CAST: variants seen among roughly 807,000 people sequenced by gnomAD.
CAST encodes calpastatin.
A neutral mutation model predicts 119.6 loss-of-function variants in CAST; 76 were observed. The ratio of observed to expected loss-of-function variants is 0.64; its 90% CI spans 0.53 to 0.77. The LOEUF is 0.77. CAST is among the 30% of genes least tolerant of loss of function. CAST has a pLI of 0.00. For missense variants in CAST, 953 were observed against 946.5 expected (o/e 1.01, Z -0.09); for synonymous variants, 319 against 331.6 (o/e 0.96, Z 0.41).
the CAST span, among the ~76,000 whole-genome samples, chr5:96,074,491 A>G: frequency 6.6e-6 from 1 of 152,212 alleles, no homozygotes; most frequent in East Asian, 1.9e-4. Context: ...GAGAGCCCTC[A>G]CCAGAAACCA....
At chr5:96,050,938 A>C in the CAST span, among the ~76,000 whole-genome samples, 3 of 152,328 alleles carry the variant, frequency 2.0e-5, no homozygotes, top group Admixed American at 2.0e-4. Context: ...TGATTTATAT[A>C]ATTTGAGGTC....
the CAST span, among the ~76,000 whole-genome samples, chr5:96,487,711 T>C: frequency 6.6e-6 from 1 of 152,250 alleles, no homozygotes; most frequent in Non-Finnish European, 1.5e-5. Flanking sequence ...TAAGCCATAA[T>C]TTAAATATTC....
chr5:96,299,553 CT>C, the CAST span, among the ~76,000 whole-genome samples: 1 of 152,146 alleles, frequency 6.6e-6, no homozygotes, highest in Non-Finnish European at 1.5e-5. Context: ...GTGCAATCCT[CT>C]TTCCTCCTCC....
the CAST span, chr5:95,986,461 C>A: frequency 6.6e-6 from 1 of 152,136 alleles, no homozygotes; most frequent in Admixed American, 6.5e-5. Flanking sequence ...ATTTTTGTGG[C>A]AGTTTCTTTC....
intron 1 of CAST, among the ~76,000 whole-genome samples, chr5:96,539,838 A>T (rs191700617): frequency 2.3e-3 from 344 of 152,272 alleles, no homozygotes; most frequent in African/African-American, 8.1e-3. Flanking sequence ...TTTACATTTA[A>T]TGTGACTACT....
the CAST span, among the ~76,000 whole-genome samples, chr5:96,304,106 C>T: frequency 6.6e-6 from 1 of 152,226 alleles, no homozygotes; most frequent in Non-Finnish European, 1.5e-5. Flanking sequence ...TCTTCTCCAG[C>T]ATCTGTTGTT....
intron 1 of CAST, among the ~76,000 whole-genome samples, chr5:96,564,259 T>G (rs1362420359): frequency 6.6e-6 from 1 of 152,218 alleles, no homozygotes; most frequent in Non-Finnish European, 1.5e-5. Context: ...GAACTTATGT[T>G]CAGTACCTTT....
upstream of CAST, among the ~76,000 whole-genome samples, chr5:96,524,081 T>C (rs771637260): frequency 5.9e-5 from 9 of 152,278 alleles, no homozygotes; most frequent in Middle Eastern, 3.4e-3. Flanking sequence ...TTAAAACTAG[T>C]ACAGGGAGCA....
chr5:96,174,424 T>G, the CAST span, among the ~76,000 whole-genome samples: 14 of 152,260 alleles, frequency 9.2e-5, no homozygotes, highest in Non-Finnish European at 2.1e-4. Flanking sequence ...GCTGCAATCA[T>G]TCTTCCACTC....
At chr5:96,619,443 C>A (rs1747543697) in intron 1 of CAST, among the ~76,000 whole-genome samples, 1 of 152,210 alleles carries the variant, frequency 6.6e-6, no homozygotes, top group Non-Finnish European at 1.5e-5. Context: ...TAAAATGGAC[C>A]AATCAGCAGG....
the CAST span, among the ~76,000 whole-genome samples, chr5:96,051,612 G>A: frequency 1.3e-5 from 2 of 152,134 alleles, no homozygotes; most frequent in Admixed American, 1.3e-4. Flanking sequence ...TGGATTGGCA[G>A]AGGAGGGGGA....
the CAST span, among the ~76,000 whole-genome samples, chr5:96,251,110 C>G: frequency 6.6e-6 from 1 of 152,194 alleles, no homozygotes; most frequent in East Asian, 1.9e-4. Context: ...TTAATATTTA[C>G]CAAGGGTCCT....
the CAST span, among the ~76,000 whole-genome samples, chr5:96,302,183 A>T: frequency 1.3e-5 from 2 of 152,078 alleles, no homozygotes; most frequent in Non-Finnish European, 2.9e-5. Flanking sequence ...GTGGCCTGAG[A>T]TGTATCTGGG....
chr5:96,248,678 A>T, the CAST span, among the ~76,000 whole-genome samples: 2 of 152,216 alleles, frequency 1.3e-5, no homozygotes, highest in Non-Finnish European at 2.9e-5. Flanking sequence ...TTAAAGGACA[A>T]ATTTTAAATG....
At chr5:96,352,894 T>A in the CAST span, among the ~76,000 whole-genome samples, 16 of 152,182 alleles carry the variant, frequency 1.1e-4, no homozygotes, top group Non-Finnish European at 1.8e-4. Context: ...CCATGTAAGA[T>A]GTGCTTGCTT....
the CAST span, among the ~76,000 whole-genome samples, chr5:96,406,776 T>C: frequency 6.6e-6 from 1 of 152,258 alleles, no homozygotes. Context: ...TAATTTATTC[T>C]AGGATAATCT....
chr5:96,330,178 A>G, the CAST span, among the ~76,000 whole-genome samples: 1 of 152,210 alleles, frequency 6.6e-6, no homozygotes, highest in Non-Finnish European at 1.5e-5. Flanking sequence ...ATATTTGACC[A>G]TTTTTTAAAA....
chr5:96,141,572 C>A, the CAST span, among the ~76,000 whole-genome samples: 1 of 152,178 alleles, frequency 6.6e-6, no homozygotes, highest in African/African-American at 2.4e-5. Context: ...ACGCGGACAC[C>A]CACACCATGC....
intron 1 of CAST, among the ~76,000 whole-genome samples, chr5:96,576,937 A>G (rs1437998747): frequency 2.0e-5 from 3 of 152,090 alleles, no homozygotes; most frequent in African/African-American, 7.2e-5. Flanking sequence ...TCGCCTAGGT[A>G]TTAAGCCCAT....
Sources: allele counts gnomAD v4.1 joint callset (sites outside exome capture counted in the v4.1 genomes callset), GRCh38; gene constraint gnomAD v4.1.1; transcripts MANE v1.5; gene names NCBI Gene and HGNC (gene_info 2026-07-23, HGNC 2026-07-21).